The following DLGAP4 variants were observed in gnomAD, a reference collection of about 807,000 sequenced individuals.
The protein encoded by DLGAP4 is disks large-associated protein 4.
DLGAP4 carries 18 observed loss-of-function variants against 86.9 expected under a neutral mutation model. The observed-to-expected ratio is 0.21, with a 90% confidence interval of 0.14 to 0.31. DLGAP4 has a LOEUF of 0.31. Among genes scored for constraint, DLGAP4 ranks in the 10% least tolerant of loss-of-function variants. DLGAP4 has a pLI of 1.00. For synonymous variants in DLGAP4, 548 were observed against 574.3 expected (o/e 0.95, Z 0.65); for missense variants, 1,085 against 1,362.6 (o/e 0.80, Z 3.21).
At chr20:36,421,301 C>T (rs555006099) in intron 2 of DLGAP4, among the ~76,000 whole-genome samples, 2 of 151,296 alleles carry the variant, frequency 1.3e-5, no homozygotes, top group Admixed American at 1.3e-4. Flanking sequence ...GCTAAGAATA[C>T]AAAAAAATTG....
intron 1 of DLGAP4, among the ~76,000 whole-genome samples, chr20:36,342,936 G>A (rs927392773): frequency 6.6e-6 from 1 of 152,142 alleles, no homozygotes; most frequent in African/African-American, 2.4e-5. Flanking sequence ...GAGCAGCAAG[G>A]GCCTGAGCTT....
At chr20:36,398,716 G>A (rs945877739) in intron 2 of DLGAP4, among the ~76,000 whole-genome samples, 20 of 152,202 alleles carry the variant, frequency 1.3e-4, no homozygotes, top group African/African-American at 4.6e-4. Flanking sequence ...AAACCAGAGA[G>A]GTTGAGTAAC....
At chr20:36,388,202 T>C (rs1272638617) in intron 2 of DLGAP4, among the ~76,000 whole-genome samples, 1 of 152,244 alleles carries the variant, frequency 6.6e-6, no homozygotes, top group East Asian at 1.9e-4. Context: ...ACTTCTTGAT[T>C]CTTCCTTTGT....
At chr20:36,426,198 A>G (rs1334895233) in intron 2 of DLGAP4, among the ~76,000 whole-genome samples, 1 of 152,224 alleles carries the variant, frequency 6.6e-6, no homozygotes, top group East Asian at 1.9e-4. Context: ...AGGCAAATTC[A>G]GAGAGACAGA....
At chr20:36,449,896 T>C (rs538723576) in intron 7 of DLGAP4, among the ~76,000 whole-genome samples, 6 of 152,368 alleles carry the variant, frequency 3.9e-5, no homozygotes, top group African/African-American at 1.4e-4. Context: ...GCTCCCAAGT[T>C]TGTCAGTTGG....
At chr20:36,519,220 A>G (rs893117865) in intron 10 of DLGAP4, among the ~76,000 whole-genome samples, 2 of 152,140 alleles carry the variant, frequency 1.3e-5, no homozygotes, top group Non-Finnish European at 2.9e-5. Context: ...TCAAGGCTGC[A>G]GTGAGCCGTG....
intron 2 of DLGAP4, among the ~76,000 whole-genome samples, chr20:36,390,213 C>T (rs892768155): frequency 4.6e-5 from 7 of 152,176 alleles, no homozygotes; most frequent in African/African-American, 1.7e-4. Context: ...CAATGGAGGT[C>T]CTGAGTTCCC....
chr20:36,455,323 T>C (rs1458566230), intron 7 of DLGAP4, among the ~76,000 whole-genome samples: 11 of 151,868 alleles, frequency 7.2e-5, no homozygotes, highest in Admixed American at 7.2e-4. Context: ...CTCCTCCCCG[T>C]CCTCCCTTTC....
At position 36,432,642 on chromosome 20, in the gene DLGAP4, A is replaced by G. The variant is rs750149311; in HGVS notation, c.925A>G (p.Thr309Ala). Residue 309 changes from threonine (T) to alanine (A), a missense_variant, in exon 3 of 13, where the codon ACC becomes GCC. By Grantham distance (58) the Thr-to-Ala change is moderately conservative. Coordinates refer to ENST00000339266, the MANE Select transcript of DLGAP4 (RefSeq NM_001365621.2). The surrounding 1 kb of genome is among the most constrained non-coding windows in gnomAD (Gnocchi z 6.5). The part of the protein sequence containing the change: ...LSHAHEVCQK[T>A]SATLDKSLLK... ...CCACGCCCACGAGGTCTGCCAGAAGACCTCAGCCACCTTGGATAAGAGCCT... is the reference window on the plus strand; with the variant it reads ...CCACGCCCACGAGGTCTGCCAGAAGGCCTCAGCCACCTTGGATAAGAGCCT... 4 of 1,612,916 alleles carry G rather than the reference A, an allele frequency of 2.5e-6. No homozygotes were observed. The South Asian group carries it at 4.4e-5, about 18-fold the overall frequency.
At chr20:36,324,082 A>T (rs1555890857) in intron 1 of DLGAP4, among the ~76,000 whole-genome samples, 1 of 152,170 alleles carries the variant, frequency 6.6e-6, no homozygotes, top group Non-Finnish European at 1.5e-5. Context: ...TCTAAGAAAC[A>T]GTTGCCTAAT....
chr20:36,475,754 G>A (rs992937121), intron 7 of DLGAP4, among the ~76,000 whole-genome samples: 3 of 152,140 alleles, frequency 2.0e-5, no homozygotes, highest in Non-Finnish European at 4.4e-5. Context: ...GTGACTTTTA[G>A]GTTTGGAATG....
At chr20:36,436,721 CAGG>C (rs369999585) in intron 4 of DLGAP4, among the ~76,000 whole-genome samples, 2 of 151,902 alleles carry the variant, frequency 1.3e-5, no homozygotes, top group African/African-American at 4.8e-5. Context: ...GAGGCTGAGA[CAGG>C]AGAATCGCTT....
At chr20:36,426,360 C>G (rs1005918057) in intron 2 of DLGAP4, among the ~76,000 whole-genome samples, 1 of 152,050 alleles carries the variant, frequency 6.6e-6, no homozygotes, top group African/African-American at 2.4e-5. Context: ...ACTAAAAATA[C>G]AAAAATTAGC....
At chr20:36,411,483 C>G (rs2147502417) in intron 2 of DLGAP4, among the ~76,000 whole-genome samples, 1 of 152,238 alleles carries the variant, frequency 6.6e-6, no homozygotes, top group East Asian at 1.9e-4. Context: ...GATCTTTTAC[C>G]CGGTCTCCTC....
intron 7 of DLGAP4, among the ~76,000 whole-genome samples, chr20:36,457,853 G>A (rs944131314): frequency 6.6e-6 from 1 of 151,524 alleles, no homozygotes; most frequent in Non-Finnish European, 1.5e-5. Context: ...GGCCAGGCTG[G>A]TCTCGAACTC....
intron 1 of DLGAP4, among the ~76,000 whole-genome samples, chr20:36,333,633 G>T (rs2065292595): frequency 6.6e-6 from 1 of 152,278 alleles, no homozygotes; most frequent in African/African-American, 2.4e-5. Context: ...CAAATGTGTG[G>T]GTTGCTGTGT....
At chr20:36,525,611 G>A (rs1357518387) in intron 11 of DLGAP4, 15 of 585,208 alleles carry the variant, frequency 2.6e-5, no homozygotes, top group East Asian at 1.1e-4. Flanking sequence ...CATACATTAG[G>A]GACAGGAGTG....
rs771668540 is a variant in DLGAP4 at position 36,526,074 on chromosome 20, A to G, written c.2760+68A>G. The G allele has an allele frequency of 5.0e-6, 8 of 1,605,724 alleles. No individual in the cohort carries two copies. In the Admixed American group the frequency reaches 1.0e-4, roughly 20 times the overall value. On this transcript the variant is annotated intron_variant, in intron 12 of 12. Transcript: ENST00000339266. ...CCTGGTCGGCAATAACGCTGCCCAC[A>G]TCGGTCAGTGCTGCTTGGCTCCCTT...
At chr20:36,450,225 C>A (rs1247664339) in intron 7 of DLGAP4, among the ~76,000 whole-genome samples, 1 of 152,060 alleles carries the variant, frequency 6.6e-6, no homozygotes, top group African/African-American at 2.4e-5. Flanking sequence ...TGGGTGGGCG[C>A]AGTGGCTCAT....
Sources: gnomAD v4.1 joint callset for allele counts (sites outside exome capture counted in the v4.1 genomes callset) on GRCh38, gnomAD v4.1.1 for gene constraint, Gnocchi (gnomAD v3.1) non-coding constraint, MANE v1.5 for transcripts, NCBI Gene and HGNC (gene_info 2026-07-23, HGNC 2026-07-21) for gene names.